Variants in DAAM1 observed in about 807,000 individuals in gnomAD.
The protein encoded by DAAM1 is disheveled-associated activator of morphogenesis 1.
Under a neutral mutation model 130.0 loss-of-function variants are expected in DAAM1, and 52 were observed. The observed-to-expected ratio is 0.40, with a 90% confidence interval of 0.32 to 0.50. The LOEUF is 0.50. Among genes scored for constraint, DAAM1 ranks in the 20% least tolerant of loss-of-function variants. DAAM1 has a pLI of 0.61. For missense variants in DAAM1, 1,134 were observed against 1,303.8 expected (o/e 0.87, Z 2.01); for synonymous variants, 452 against 444.5 (o/e 1.02, Z -0.21).
At chr14:59,220,748 CA>C (rs1888743739) in intron 1 of DAAM1, among the ~76,000 whole-genome samples, 1 of 152,096 alleles carries the variant, frequency 6.6e-6, no homozygotes, top group Non-Finnish European at 1.5e-5. Context: ...GTACCAGAGC[CA>C]AAGACCTAAG....
chr14:59,305,782 TCTTTTCTTG>T (rs1165391865), intron 3 of DAAM1, among the ~76,000 whole-genome samples: 2 of 152,232 alleles, frequency 1.3e-5, no homozygotes, highest in Non-Finnish European at 2.9e-5. Flanking sequence ...AAAGTGGCAC[TCTTTTCTTG>T]CTTTTCTTGC....
chr14:59,284,441 C>T (rs1280295392), intron 2 of DAAM1, among the ~76,000 whole-genome samples: 3 of 152,060 alleles, frequency 2.0e-5, no homozygotes, highest in African/African-American at 7.2e-5. Flanking sequence ...CCTTGGAGAT[C>T]TAAATCTTAC....
intron 4 of DAAM1, among the ~76,000 whole-genome samples, chr14:59,316,466 A>G (rs1356923115): frequency 6.6e-6 from 1 of 152,204 alleles, no homozygotes; most frequent in African/African-American, 2.4e-5. Context: ...CATACAATGA[A>G]TAATAAACAG....
chr14:59,309,502 AG>A (rs1884496009), intron 3 of DAAM1, among the ~76,000 whole-genome samples: 1 of 152,216 alleles, frequency 6.6e-6, no homozygotes, highest in Admixed American at 6.5e-5. Context: ...TCTAGCACAC[AG>A]GGGTTGACAA....
chr14:59,252,720 C>A (rs553821146), intron 1 of DAAM1, among the ~76,000 whole-genome samples: 1 of 152,274 alleles, frequency 6.6e-6, no homozygotes, highest in South Asian at 2.1e-4. Flanking sequence ...TAAATCCTCA[C>A]CCCCAACTTT....
intron 1 of DAAM1, among the ~76,000 whole-genome samples, chr14:59,190,930 A>G (rs1054077058): frequency 6.6e-6 from 1 of 152,210 alleles, no homozygotes; most frequent in African/African-American, 2.4e-5. Context: ...TACTACCACT[A>G]CTATTATTCC....
chr14:59,267,766 T>C (rs2139514925), intron 2 of DAAM1, among the ~76,000 whole-genome samples: 1 of 152,320 alleles, frequency 6.6e-6, no homozygotes, highest in South Asian at 2.1e-4. Context: ...AATGGAATTA[T>C]ACAATATGTG....
chr14:59,265,965 C>T (rs999146840), intron 2 of DAAM1: 2 of 152,222 alleles, frequency 1.3e-5, no homozygotes, highest in African/African-American at 4.8e-5. Context: ...TCTGTAGAGA[C>T]TGGTACCACA....
At chr14:59,322,234 T>C (rs1471233769) in intron 5 of DAAM1, among the ~76,000 whole-genome samples, 1 of 152,072 alleles carries the variant, frequency 6.6e-6, no homozygotes, top group African/African-American at 2.4e-5. Flanking sequence ...TAAAAGCGCA[T>C]GGGCCAGACA....
At position 59,371,342 on chromosome 14, in the gene DAAM1, A is replaced by C. The variant is rs1460651950; in HGVS notation, c.*2483A>C. 1 of 152,144 alleles carries C rather than the reference A, an allele frequency of 6.6e-6. No homozygotes were observed. Among genetic ancestry groups the C allele is most frequent in the East Asian group, 1.9e-4 (1 of 5,192 alleles). 9.4% of individuals were successfully genotyped at this position (152,144 alleles called of 1,614,324 possible). A position where few individuals can be genotyped will look rare whatever the true frequency, so the allele number is the denominator to read the frequency against. Reference sequence around the variant, plus strand: ...TGAGAAAAAAAAAGTATGTGTTATGAGACTGTACATGTTTTTTTAAAAATA... The same window carrying C: ...TGAGAAAAAAAAAGTATGTGTTATGCGACTGTACATGTTTTTTTAAAAATA... On this transcript the variant is annotated 3_prime_UTR_variant, in exon 25 of 25. Transcript: ENST00000360909.
intron 24 of DAAM1, 100 bp from the exon 25 acceptor site, chr14:59,368,550 G>A (rs1257781015): frequency 8.3e-7 from 1 of 1,207,278 alleles, no homozygotes; most frequent in Non-Finnish European, 1.2e-6. Context: ...GCATAGCTTG[G>A]TGTCTGGAGC....
At chr14:59,319,290 C>T (rs906556921) in intron 4 of DAAM1, among the ~76,000 whole-genome samples, 1 of 152,146 alleles carries the variant, frequency 6.6e-6, no homozygotes, top group African/African-American at 2.4e-5. Flanking sequence ...TTTCAGTTGC[C>T]ATAAATGATA....
intron 1 of DAAM1, among the ~76,000 whole-genome samples, chr14:59,198,184 CTTTCT>C (rs1251886842): frequency 1.9e-4 from 28 of 150,646 alleles, no homozygotes; most frequent in African/African-American, 5.6e-4. Flanking sequence ...GCTGATTTGC[CTTTCT>C]TTTCTTTTCT....
In DAAM1 at chr14:59,367,475, A is replaced by C. The variant is rs1422954889; in HGVS notation, c.2873A>C (p.Gln958Pro). The C allele has an allele frequency of 6.2e-7, 1 of 1,613,904 alleles. No individual in the cohort carries two copies. Among genetic ancestry groups the C allele is most frequent in the Non-Finnish European group, 8.5e-7 (1 of 1,179,858 alleles). ...TTTGGGGAAGAGGCTGGCAAAATACAACCAGATGAGTTCTTTGGCATTTTT... is the reference window on the plus strand; with the variant it reads ...TTTGGGGAAGAGGCTGGCAAAATACCACCAGATGAGTTCTTTGGCATTTTT... Reference protein sequence around the residue: ...KHFGEEAGKIQPDEFFGIFDQ... With the variant: ...KHFGEEAGKIPPDEFFGIFDQ... Residue 958 changes from glutamine (Q) to proline (P), a missense_variant, in exon 24 of 25, where the codon CAA becomes CCA. This residue lies in a region of DAAM1 where 644 missense variants were observed against 695.9 expected (regional missense o/e 0.93). Coordinates refer to ENST00000360909, the MANE Select transcript of DAAM1 (RefSeq NM_001270520.2).
At chr14:59,319,422 T>C (rs552145032) in intron 4 of DAAM1, among the ~76,000 whole-genome samples, 1 of 152,350 alleles carries the variant, frequency 6.6e-6, no homozygotes, top group South Asian at 2.1e-4. Context: ...TGATGAGTTA[T>C]GGTCCTGAAA....
intron 1 of DAAM1, among the ~76,000 whole-genome samples, chr14:59,257,516 T>A (rs992527118): frequency 1.4e-5 from 2 of 146,872 alleles, no homozygotes; most frequent in Non-Finnish European, 1.5e-5. Context: ...GAGAGCCAGA[T>A]AAGGAAGACA....
At chr14:59,200,272 C>T (rs1046172178) in intron 1 of DAAM1, among the ~76,000 whole-genome samples, 1 of 151,936 alleles carries the variant, frequency 6.6e-6, no homozygotes, top group African/African-American at 2.4e-5. Context: ...GTTGGTAGCT[C>T]AGTAATGCTA....
chr14:59,357,696 T>C (rs541182625), intron 20 of DAAM1, among the ~76,000 whole-genome samples: 1 of 152,210 alleles, frequency 6.6e-6, no homozygotes, highest in Non-Finnish European at 1.5e-5. Context: ...GAGAATCGCT[T>C]GAACCCAGAA....
intron 1 of DAAM1, among the ~76,000 whole-genome samples, chr14:59,207,442 C>T (rs1394795233): frequency 6.6e-6 from 1 of 151,882 alleles, no homozygotes; most frequent in Non-Finnish European, 1.5e-5. Flanking sequence ...ATTGAAGATC[C>T]CAAAGAGATT....
Sources: allele counts gnomAD v4.1 joint callset (sites outside exome capture counted in the v4.1 genomes callset), GRCh38; gene constraint gnomAD v4.1.1; regional missense constraint gnomAD v4.1.1; transcripts MANE v1.5; gene names NCBI Gene and HGNC (gene_info 2026-07-23, HGNC 2026-07-21).